R3HCC1L: variants seen among roughly 807,000 people sequenced by gnomAD.
R3HCC1L encodes coiled-coil domain-containing protein R3HCC1L.
A neutral mutation model predicts 59.9 loss-of-function variants in R3HCC1L; 51 were observed. That is an observed-to-expected ratio of 0.85 (90% CI 0.68 to 1.07). R3HCC1L has a LOEUF of 1.07. Ranked by LOEUF, R3HCC1L falls within the 50% of genes least tolerant of loss-of-function variation. R3HCC1L has a pLI of 0.00. For synonymous variants in R3HCC1L, 322 were observed against 315.2 expected (o/e 1.02, Z -0.23); for missense variants, 965 against 933.0 (o/e 1.03, Z -0.45).
intron 4 of R3HCC1L, among the ~76,000 whole-genome samples, chr10:98,167,961 A>T (rs1189367146): frequency 6.6e-6 from 1 of 152,192 alleles, no homozygotes; most frequent in South Asian, 2.1e-4. Flanking sequence ...ATGCATGTCA[A>T]GGTTGAGGTA....
intron 5 of R3HCC1L, among the ~76,000 whole-genome samples, chr10:98,220,370 C>CTT (rs35257520): frequency 1.0e-4 from 14 of 136,052 alleles, no homozygotes; most frequent in Non-Finnish European, 1.4e-4. Flanking sequence ...ATTTCTTTTT[C>CTT]TTTTTTTTTT....
chr10:98,240,820 A>G (rs928784917), intron 9 of R3HCC1L, among the ~76,000 whole-genome samples: 1 of 126,936 alleles, frequency 7.9e-6, no homozygotes, highest in Non-Finnish European at 1.8e-5. Context: ...TTTCATTTTA[A>G]TGTGACTTTT....
intron 4 of R3HCC1L, among the ~76,000 whole-genome samples, chr10:98,206,302 G>A (rs1445835807): frequency 6.8e-6 from 1 of 147,772 alleles, no homozygotes; most frequent in Non-Finnish European, 1.5e-5. Flanking sequence ...CAGAAGTCAC[G>A]TCTTCTGTCT....
At chr10:98,203,232 G>GA (rs1221339914) in intron 4 of R3HCC1L, among the ~76,000 whole-genome samples, 2 of 152,018 alleles carry the variant, frequency 1.3e-5, no homozygotes, top group Non-Finnish European at 2.9e-5. Flanking sequence ...AAATATTCAG[G>GA]AAAAAAACTG....
chr10:98,222,741 A>G (rs1324461100), intron 5 of R3HCC1L, among the ~76,000 whole-genome samples: 1 of 152,190 alleles, frequency 6.6e-6, no homozygotes, highest in East Asian at 1.9e-4. Flanking sequence ...AAAATTAATG[A>G]ATCCAGGAGC....
At chr10:98,210,438 A>T (rs1853432870) in intron 5 of R3HCC1L, among the ~76,000 whole-genome samples, 1 of 152,208 alleles carries the variant, frequency 6.6e-6, no homozygotes, top group Non-Finnish European at 1.5e-5. Context: ...GTGAATAATG[A>T]TATGCTGGCC....
At chr10:98,173,407 C>G (rs896749523) in intron 4 of R3HCC1L, among the ~76,000 whole-genome samples, 1 of 152,160 alleles carries the variant, frequency 6.6e-6, no homozygotes, top group African/African-American at 2.4e-5. Context: ...TGAAACCTTG[C>G]TTTTCACTTC....
intron 1 of R3HCC1L, among the ~76,000 whole-genome samples, chr10:98,153,041 G>A (rs7083695): frequency 0.19 from 27,919 of 149,730 alleles, 2,620 homozygotes; most frequent in Middle Eastern, 0.21. Context: ...GGTGGGGGGC[G>A]CCTCTGCCCG....
chr10:98,154,551 G>A (rs930550860), intron 1 of R3HCC1L, among the ~76,000 whole-genome samples: 15 of 152,184 alleles, frequency 9.9e-5, no homozygotes, highest in African/African-American at 3.4e-4. Flanking sequence ...GGATTAGGGA[G>A]TTCCGTGTAT....
intron 5 of R3HCC1L, among the ~76,000 whole-genome samples, chr10:98,216,052 T>C (rs867698224): frequency 3.3e-5 from 5 of 152,226 alleles, no homozygotes; most frequent in Admixed American, 1.3e-4. Context: ...AGTTTGTCAC[T>C]ATCAGAAGTT....
chr10:98,179,177 C>T (rs1235190720), intron 4 of R3HCC1L, among the ~76,000 whole-genome samples: 1 of 152,168 alleles, frequency 6.6e-6, no homozygotes, highest in Non-Finnish European at 1.5e-5. Flanking sequence ...TTTGCCCATT[C>T]AGTATGATAT....
At chr10:98,235,570 T>G (rs540597954) in intron 8 of R3HCC1L, 50 bp downstream of exon 8, 1 of 1,446,234 alleles carries the variant, frequency 6.9e-7, no homozygotes, top group South Asian at 1.3e-5. Flanking sequence ...GGTATTATTG[T>G]TCTTTCCAGA....
intron 4 of R3HCC1L, among the ~76,000 whole-genome samples, chr10:98,206,674 T>G (rs1482808394): frequency 6.6e-6 from 1 of 152,210 alleles, no homozygotes; most frequent in Non-Finnish European, 1.5e-5. Flanking sequence ...CATTTCATCA[T>G]TTTATATCCA....
At chr10:98,215,340 C>T (rs977143965) in intron 5 of R3HCC1L, among the ~76,000 whole-genome samples, 1 of 152,142 alleles carries the variant, frequency 6.6e-6, no homozygotes, top group African/African-American at 2.4e-5. Flanking sequence ...AACTTTGACA[C>T]AGTGCTTTTC....
chr10:98,223,554 A>G (rs926511318), intron 5 of R3HCC1L, among the ~76,000 whole-genome samples: 5 of 151,400 alleles, frequency 3.3e-5, no homozygotes, highest in Non-Finnish European at 7.4e-5. Context: ...CTATAGATAT[A>G]TCTATTCTTT....
At chr10:98,231,173 A>G in intron 5 of R3HCC1L, 1 of 343,254 alleles carries the variant, frequency 2.9e-6, no homozygotes, top group Non-Finnish European at 5.5e-6. Context: ...TTCAGCTATT[A>G]TCTAAGCTTC....
At chr10:98,167,952 T>C (rs1041433539) in intron 4 of R3HCC1L, among the ~76,000 whole-genome samples, 1 of 152,200 alleles carries the variant, frequency 6.6e-6, no homozygotes, top group Non-Finnish European at 1.5e-5. Context: ...TCAAGTTTAA[T>C]GCATGTCAAG....
At chr10:98,146,204 T>C (rs1481649845) in intron 1 of R3HCC1L, among the ~76,000 whole-genome samples, 2 of 152,104 alleles carry the variant, frequency 1.3e-5, no homozygotes, top group African/African-American at 4.8e-5. Flanking sequence ...TGTTGACAAA[T>C]AATTTGCATA....
chr10:98,170,933 C>A lies in R3HCC1L; in HGVS notation c.-15+7536C>A, dbSNP rs184510533. Among the ~76,000 whole-genome samples the A allele has an allele frequency of 5.9e-5, 9 of 152,332 alleles. No individual in the cohort carries two copies. In the South Asian group the frequency reaches 1.4e-3, roughly 25 times the overall value. ...TAGAGGTATCTAATTGTCAGCTATT[C>A]ATCCAATTTTGTTCTGTAAGATAGT... On this transcript the variant is annotated intron_variant, in intron 4 of 9. Transcript: ENST00000298999.
Sources: gnomAD v4.1 joint callset for allele counts (sites outside exome capture counted in the v4.1 genomes callset) on GRCh38, gnomAD v4.1.1 for gene constraint, MANE v1.5 for transcripts, NCBI Gene and HGNC (gene_info 2026-07-23, HGNC 2026-07-21) for gene names.